ITGBL1: variants seen among roughly 807,000 people sequenced by gnomAD.
ITGBL1 encodes integrin beta-like protein 1.
ITGBL1 carries 51 observed loss-of-function variants against 68.5 expected under a neutral mutation model. The ratio of observed to expected loss-of-function variants is 0.74; its 90% CI spans 0.59 to 0.94. The LOEUF is 0.94. ITGBL1 is among the 40% of genes least tolerant of loss of function. ITGBL1 has a pLI of 0.00. For synonymous variants in ITGBL1, 209 were observed against 227.3 expected (o/e 0.92, Z 0.72); for missense variants, 649 against 647.4 (o/e 1.00, Z -0.03).
intron 2 of ITGBL1, among the ~76,000 whole-genome samples, chr13:101,551,350 A>G (rs2049917392): frequency 6.6e-6 from 1 of 152,166 alleles, no homozygotes; most frequent in Non-Finnish European, 1.5e-5. Context: ...ACACTTGCTC[A>G]GTTGTATGGT....
chr13:101,639,818 T>C (rs1232702859), intron 7 of ITGBL1, among the ~76,000 whole-genome samples: 1 of 152,208 alleles, frequency 6.6e-6, no homozygotes, highest in Admixed American at 6.5e-5. Context: ...GATCATCCAA[T>C]TATCAGAATA....
intron 2 of ITGBL1, among the ~76,000 whole-genome samples, chr13:101,542,480 A>G (rs571969932): frequency 1.1e-4 from 16 of 152,180 alleles, no homozygotes; most frequent in African/African-American, 2.4e-4. Flanking sequence ...TTCCAACTAT[A>G]TGGTCAATTT....
In ITGBL1 at chr13:101,665,101, T is replaced by G. The variant is rs191154088; in HGVS notation, c.1016-27484T>G. Among the ~76,000 whole-genome samples the G allele has an allele frequency of 2.1e-3, 318 of 150,514 alleles. 2 individuals carry two copies. The highest frequency in any genetic ancestry group is 7.2e-3 in the African/African-American group (294 of 41,080). On this transcript the variant is annotated intron_variant, in intron 7 of 10. Transcript: ENST00000376180. ...TCTGATATTGACATCTGTCCACCAA[T>G]TTTTTTTTTCTCAGCAAGGCTTTGG...
chr13:101,688,575 G>A (rs2033809502), intron 7 of ITGBL1, among the ~76,000 whole-genome samples: 1 of 152,206 alleles, frequency 6.6e-6, no homozygotes. Flanking sequence ...AAGGTTACAT[G>A]GGGCCATCAG....
At chr13:101,538,316 T>C (rs546949659) in intron 2 of ITGBL1, among the ~76,000 whole-genome samples, 1 of 151,336 alleles carries the variant, frequency 6.6e-6, no homozygotes, top group Non-Finnish European at 1.5e-5. Flanking sequence ...TGGGGGGCCG[T>C]GTAAAGAGAT....
chr13:101,719,364 T>C (rs1292469858), downstream of ITGBL1: 1 of 152,074 alleles, frequency 6.6e-6, no homozygotes, highest in Admixed American at 6.6e-5. Flanking sequence ...GGGAGTCCTT[T>C]GGACCCATCG....
At chr13:101,481,083 CACAT>C (rs914971042) in intron 2 of ITGBL1, among the ~76,000 whole-genome samples, 1 of 52,630 alleles carries the variant, frequency 1.9e-5, no homozygotes, top group African/African-American at 8.8e-5. Context: ...TATATATACA[CACAT>C]ATATATACAC....
intron 7 of ITGBL1, among the ~76,000 whole-genome samples, chr13:101,604,082 G>A (rs1277339249): frequency 6.6e-6 from 1 of 151,946 alleles, no homozygotes; most frequent in African/African-American, 2.4e-5. Flanking sequence ...ATATTTTGAA[G>A]TTAAAAATGT....
At position 101,604,381 on chromosome 13, in the gene ITGBL1, G is replaced by T. The variant is rs138588947; in HGVS notation, c.1015+6082G>T. Among the ~76,000 whole-genome samples the T allele has an allele frequency of 5.6e-3, 847 of 151,912 alleles. 5 individuals carry two copies. Among genetic ancestry groups the T allele is most frequent in the Admixed American group, 0.012 (180 of 15,196 alleles). On this transcript the variant is annotated intron_variant, in intron 7 of 10. Transcript: ENST00000376180. The stretch of plus-strand genomic sequence containing the variant: ...GTTTAAACTTTATTTTATTAAAAAG[G>T]TGTTGAGTAAATGTATAGAATTATG...
At chr13:101,637,080 G>A (rs942690712) in intron 7 of ITGBL1, among the ~76,000 whole-genome samples, 6 of 151,968 alleles carry the variant, frequency 3.9e-5, no homozygotes, top group South Asian at 2.1e-4. Flanking sequence ...GTTCATGTGC[G>A]TATCACCAAA....
At chr13:101,673,899 A>C (rs1025282137) in intron 7 of ITGBL1, among the ~76,000 whole-genome samples, 2 of 152,194 alleles carry the variant, frequency 1.3e-5, no homozygotes, top group Non-Finnish European at 2.9e-5. Context: ...TCCCTCTGAC[A>C]TGGGATCAGA....
intron 8 of ITGBL1, among the ~76,000 whole-genome samples, chr13:101,693,110 C>T (rs747102044): frequency 6.6e-6 from 1 of 152,094 alleles, no homozygotes; most frequent in African/African-American, 2.4e-5. Context: ...GGTATACGCT[C>T]AGATTCTATG....
intron 6 of ITGBL1, among the ~76,000 whole-genome samples, chr13:101,585,587 C>T (rs9585731): frequency 0.02 from 3,016 of 152,046 alleles, 101 homozygotes; most frequent in African/African-American, 0.069. Flanking sequence ...CCCACCACCA[C>T]GCCCGGCTTA....
chr13:101,479,890 T>C (rs949383736), intron 2 of ITGBL1, among the ~76,000 whole-genome samples: 2 of 152,080 alleles, frequency 1.3e-5, no homozygotes, highest in African/African-American at 4.8e-5. Context: ...GCATAGCCAC[T>C]GTGAAGAACA....
intron 2 of ITGBL1, among the ~76,000 whole-genome samples, chr13:101,479,698 A>G (rs2048588929): frequency 6.6e-6 from 1 of 152,138 alleles, no homozygotes; most frequent in Non-Finnish European, 1.5e-5. Flanking sequence ...AAACAGGCAT[A>G]TGAAAAGGTG....
intron 6 of ITGBL1, among the ~76,000 whole-genome samples, chr13:101,595,431 G>A (rs1398499034): frequency 6.6e-6 from 1 of 151,884 alleles, no homozygotes; most frequent in African/African-American, 2.4e-5. Context: ...CTAGTTTTGG[G>A]GATTGCATTT....
intron 7 of ITGBL1, among the ~76,000 whole-genome samples, chr13:101,621,090 GTCTCCCAAAGGACTGTTGACACC>G (rs2031562367): frequency 6.6e-6 from 1 of 152,114 alleles, no homozygotes; most frequent in Non-Finnish European, 1.5e-5. Context: ...GTTTATCATG[GTCTCCCAAAGGACTGTTGACACC>G]TTTGTACCTA....
intron 2 of ITGBL1, among the ~76,000 whole-genome samples, chr13:101,518,499 A>G (rs1033628271): frequency 5.9e-5 from 9 of 152,154 alleles, no homozygotes; most frequent in Non-Finnish European, 1.3e-4. Context: ...TAATCTAATC[A>G]GTGTTATTGC....
rs956899262 is a variant in ITGBL1, at chr13:101,511,350, C to T, written c.317-56349C>T. ...GTGGCACACACCCCTAAGGAACCTT[C>T]TATGAGTCATGACCTTGTATAATTC... On this transcript the variant is annotated intron_variant, in intron 2 of 10. Transcript: ENST00000376180. Among the ~76,000 whole-genome samples the T allele has an allele frequency of 5.3e-5, 8 of 152,228 alleles. No individual in the cohort carries two copies. In the East Asian group the frequency reaches 1.2e-3, roughly 22 times the overall value.
Sources: gnomAD v4.1 joint callset for allele counts (sites outside exome capture counted in the v4.1 genomes callset) on GRCh38, gnomAD v4.1.1 for gene constraint, MANE v1.5 for transcripts, NCBI Gene and HGNC (gene_info 2026-07-23, HGNC 2026-07-21) for gene names.